Variants in YEATS2 observed in about 807,000 individuals in gnomAD.
YEATS2 encodes the protein YEATS domain-containing protein 2.
Under a neutral mutation model 163.2 loss-of-function variants are expected in YEATS2, and 77 were observed. The observed-to-expected ratio is 0.47, with a 90% CI of 0.39 to 0.57. The LOEUF is 0.57. YEATS2 is among the 20% of genes least tolerant of loss of function. The pLI, the probability that YEATS2 is intolerant of heterozygous loss-of-function variation, is 0.00. For synonymous variants in YEATS2, 631 were observed against 645.1 expected (o/e 0.98, Z 0.33); for missense variants, 1,549 against 1,729.8 (o/e 0.90, Z 1.85).
intron 16 of YEATS2, among the ~76,000 whole-genome samples, chr3:183,773,057 T>C (rs535413527): frequency 5.1e-4 from 77 of 152,326 alleles, no homozygotes; most frequent in Non-Finnish European, 1.0e-3. Context: ...TAAGGAATAA[T>C]GACAAGAAAA....
Position 183,775,955 on chromosome 3 carries a change from CGGAGGAGGAGGAGGAGGA to C in YEATS2, c.2421_2438del (p.Gly809_Gly814del). 1.3e-6 allele frequency: 2 copies of C among 1,581,826 alleles called. No individual in the cohort carries two copies. Among genetic ancestry groups the C allele is most frequent in the East Asian group, 2.3e-5 (1 of 43,878 alleles). ...CAGCTGCCAGTGGTGGGAGTGGTGC[CGGAGGAGGAGGAGGAGGA>C]GGAGGAGGAGGCGGCAGTGGCAGCG... On this transcript the variant is annotated inframe_deletion, in exon 18 of 31. Coordinates refer to ENST00000305135, the MANE Select transcript of YEATS2 (RefSeq NM_018023.5).
intron 1 of YEATS2, among the ~76,000 whole-genome samples, chr3:183,710,059 A>G (rs1019937275): frequency 6.6e-6 from 1 of 152,236 alleles, no homozygotes. Context: ...TTCCGTATTC[A>G]GTTTTTGTCT....
At chr3:183,734,499 G>T (rs1367117531) in intron 7 of YEATS2, among the ~76,000 whole-genome samples, 5 of 152,226 alleles carry the variant, frequency 3.3e-5, no homozygotes, top group African/African-American at 1.2e-4. Flanking sequence ...TAGGAATGCA[G>T]TGTTTGCTGC....
chr3:183,703,516 C>T (rs192235509), intron 1 of YEATS2, among the ~76,000 whole-genome samples: 177 of 152,188 alleles, frequency 1.2e-3, no homozygotes, highest in Non-Finnish European at 2.0e-3. Flanking sequence ...CTTCTCGTTC[C>T]TTCTGTTACA....
intron 15 of YEATS2, among the ~76,000 whole-genome samples, chr3:183,769,010 A>T (rs1393320236): frequency 6.6e-6 from 1 of 152,180 alleles, no homozygotes; most frequent in Non-Finnish European, 1.5e-5. Flanking sequence ...GATGTGGGTA[A>T]TAAGGGGTAT....
At chr3:183,801,210 T>C (rs1725635448) in intron 24 of YEATS2, 1 of 351,842 alleles carries the variant, frequency 2.8e-6, no homozygotes, top group Admixed American at 4.5e-5. Flanking sequence ...GTAGATTAAA[T>C]GTCTGTAATA....
intron 20 of YEATS2, among the ~76,000 whole-genome samples, chr3:183,789,225 T>G (rs1169783408): frequency 1.3e-5 from 2 of 152,198 alleles, no homozygotes; most frequent in Non-Finnish European, 2.9e-5. Context: ...AGAGTTTCCC[T>G]AATGTTTTCT....
chr3:183,712,490 C>G (rs58786932), intron 1 of YEATS2, among the ~76,000 whole-genome samples: 4,270 of 151,992 alleles, frequency 0.028, 203 homozygotes, highest in African/African-American at 0.098. Flanking sequence ...GGATTACAGG[C>G]GTGAGTTACC....
At chr3:183,804,666 G>A (rs984650406) in intron 27 of YEATS2, among the ~76,000 whole-genome samples, 1 of 152,160 alleles carries the variant, frequency 6.6e-6, no homozygotes, top group Non-Finnish European at 1.5e-5. Flanking sequence ...TAATGTTGCA[G>A]GTGAAATGAA....
intron 10 of YEATS2, among the ~76,000 whole-genome samples, chr3:183,752,959 G>A (rs1323169207): frequency 1.3e-5 from 2 of 151,348 alleles, no homozygotes; most frequent in African/African-American, 2.4e-5. Context: ...CACCGCTCTC[G>A]GCTAATTTTT....
intron 1 of YEATS2, among the ~76,000 whole-genome samples, 154 bp from the exon 2 acceptor site, chr3:183,714,990 A>G (rs1328366731): frequency 1.3e-5 from 2 of 152,114 alleles, no homozygotes; most frequent in Non-Finnish European, 2.9e-5. Context: ...GTATATACAC[A>G]TACCCACAGA....
rs1716525286 is a variant in YEATS2 at position 183,721,867 on chromosome 3, T to A, written c.292-24T>A. On this transcript the variant is annotated intron_variant, in intron 4 of 30. Transcript: ENST00000305135. ...TTTGATGGATTTGATTAAAAATTTA[T>A]TTGCTTGCTTTCATTTTTTGTAGGG... The A allele has an allele frequency of 3.1e-6, 5 of 1,607,862 alleles. No homozygotes were observed. In the Admixed American group the frequency reaches 8.5e-5, roughly 27 times the overall value.
At chr3:183,743,095 T>C (rs1183179582) in intron 8 of YEATS2, among the ~76,000 whole-genome samples, 2 of 152,242 alleles carry the variant, frequency 1.3e-5, no homozygotes, top group Admixed American at 1.3e-4. Flanking sequence ...TCATTGTGAG[T>C]TGCTTTATTG....
intron 21 of YEATS2, chr3:183,793,464 A>C: frequency 1.0e-6 from 1 of 977,278 alleles, no homozygotes; most frequent in Non-Finnish European, 1.2e-6. Flanking sequence ...AAATTGTAGA[A>C]ATAAAAGGAA....
chr3:183,718,642 C>G, intron 4 of YEATS2, 50 bp downstream of exon 4: 1 of 1,399,432 alleles, frequency 7.1e-7, no homozygotes, highest in Non-Finnish European at 9.9e-7. Flanking sequence ...TATTTGTTGT[C>G]TGAGGGGAAG....
At chr3:183,705,917 G>A (rs1224416777) in intron 1 of YEATS2, among the ~76,000 whole-genome samples, 1 of 151,902 alleles carries the variant, frequency 6.6e-6, no homozygotes, top group East Asian at 1.9e-4. Context: ...GCGGGCGCCT[G>A]TAGTCCCAGC....
At chr3:183,800,053 T>C (rs920970791) in intron 23 of YEATS2, among the ~76,000 whole-genome samples, 15 of 151,938 alleles carry the variant, frequency 9.9e-5, no homozygotes, top group East Asian at 3.9e-4. Flanking sequence ...AGGATGGTCT[T>C]GATCTCCTGA....
chr3:183,719,439 T>C (rs1438107578), intron 4 of YEATS2, among the ~76,000 whole-genome samples: 1 of 152,168 alleles, frequency 6.6e-6, no homozygotes, highest in Admixed American at 6.5e-5. Flanking sequence ...GCCCAGCCTT[T>C]CATTTTTACG....
rs947273346 is a variant in YEATS2 at position 183,761,496 on chromosome 3, TAC to T, written c.1657-3_1657-2del. On this transcript the variant is annotated splice_polypyrimidine_tract_variant and intron_variant, in intron 13 of 30. Coordinates refer to ENST00000305135, the MANE Select transcript of YEATS2 (RefSeq NM_018023.5). ...CTCCTGATTGTAAAATATGTATTTT[TAC>T]ACACACAGCAGGAGGATTCTTTGTT... 8.7e-6 allele frequency: 14 copies of T among 1,610,542 alleles called. No homozygotes were observed. The Admixed American group carries it at 1.7e-4, about 19-fold the overall frequency.
Sources: gnomAD v4.1 joint callset for allele counts (sites outside exome capture counted in the v4.1 genomes callset) on GRCh38, gnomAD v4.1.1 for gene constraint, MANE v1.5 for transcripts, NCBI Gene and HGNC (gene_info 2026-07-23, HGNC 2026-07-21) for gene names.